ARSG: variants seen among roughly 807,000 people sequenced by gnomAD.
ARSG encodes arylsulfatase G.
A neutral mutation model predicts 50.5 loss-of-function variants in ARSG; 37 were observed. That is an observed-to-expected ratio of 0.73 (90% CI 0.56 to 0.96). The LOEUF (loss-of-function observed/expected upper bound fraction) is 0.96, where lower values mean the gene tolerates loss of function less well. Among genes scored for constraint, ARSG ranks in the 50% least tolerant of loss-of-function variants. The pLI, the probability that ARSG is intolerant of heterozygous loss-of-function variation, is 0.00. For missense variants in ARSG, 629 were observed against 675.3 expected (o/e 0.93, Z 0.76); for synonymous variants, 225 against 254.6 (o/e 0.88, Z 1.11).
At chr17:68,287,925 CTCTTCTCT>C (rs1167970949), upstream of ARSG, among the ~76,000 whole-genome samples, 2 of 150,968 alleles carry the variant, frequency 1.3e-5, no homozygotes, top group African/African-American at 2.4e-5. Flanking sequence ...TTTTTCTTTT[CTCTTCTCT>C]TCTTCTCTTC....
intron 7 of ARSG, among the ~76,000 whole-genome samples, chr17:68,369,464 T>A (rs1193617670): frequency 6.6e-6 from 1 of 151,474 alleles, no homozygotes; most frequent in African/African-American, 2.4e-5. Context: ...CGCTTAAACC[T>A]GGGAGGCGGA....
intron 7 of ARSG, 76 bp from the exon 8 acceptor site, chr17:68,370,368 T>C: frequency 6.0e-6 from 8 of 1,332,712 alleles, no homozygotes; most frequent in Non-Finnish European, 7.5e-6. Context: ...GCGCAAGGGA[T>C]ATAGGGCCAG....
At chr17:68,410,860 A>G (rs896764209) in intron 11 of ARSG, among the ~76,000 whole-genome samples, 1 of 152,116 alleles carries the variant, frequency 6.6e-6, no homozygotes, top group Non-Finnish European at 1.5e-5. Context: ...GGGAGAGTGT[A>G]TGTGTCGAGG....
At chr17:68,450,926 A>G in the ARSG span, 2 of 1,599,970 alleles carry the variant, frequency 1.3e-6, no homozygotes, top group East Asian at 2.2e-5. Context: ...GGGAGGTTAC[A>G]TGGATTGATC....
In ARSG at chr17:68,370,519, G is replaced by A. The variant is rs372096059; in HGVS notation, c.977G>A (p.Arg326His). ...CCCTTCACTGGATTTTGGCAAACTC[G>A]TCAAGGTAAGGGGCTCAGCTGGGGT... ...VGPFTGFWQT[R>H]QGGSPAKQTT... is the part of the protein sequence containing the mutation. Residue 326 changes from arginine (R) to histidine (H), a missense_variant, in exon 8 of 12, where the codon CGT becomes CAT. Coordinates refer to ENST00000621439, the MANE Select transcript of ARSG (RefSeq NM_001267727.2). 19 of 1,613,710 alleles carry A rather than the reference G, an allele frequency of 1.2e-5. No homozygotes were observed. The highest frequency in any genetic ancestry group is 1.6e-4 in the Middle Eastern group (1 of 6,064).
At chr17:68,427,102 A>C, downstream of ARSG, 2 of 1,559,554 alleles carry the variant, frequency 1.3e-6, no homozygotes, top group African/African-American at 1.4e-5. Context: ...TCACTGTTGG[A>C]GATGCTCCCC....
intron 5 of ARSG, among the ~76,000 whole-genome samples, chr17:68,352,446 T>C (rs1200657360): frequency 6.6e-6 from 1 of 151,806 alleles, no homozygotes; most frequent in African/African-American, 2.4e-5. Context: ...AAAGGAGATA[T>C]GCCATAATGT....
chr17:68,408,810 T>C (rs2081866927), intron 11 of ARSG, among the ~76,000 whole-genome samples: 1 of 151,748 alleles, frequency 6.6e-6, no homozygotes, highest in South Asian at 2.1e-4. Flanking sequence ...TTTTAATGAT[T>C]GCCATTCTAA....
chr17:68,276,622 AT>A (rs1301624702), intron 1 of ARSG, among the ~76,000 whole-genome samples: 3 of 151,544 alleles, frequency 2.0e-5, no homozygotes, highest in Non-Finnish European at 2.9e-5. Flanking sequence ...CCAATTTTTT[AT>A]TTTAATTTTT....
intron 9 of ARSG, among the ~76,000 whole-genome samples, chr17:68,387,142 G>A (rs925995589): frequency 1.3e-5 from 2 of 148,972 alleles, no homozygotes; most frequent in Admixed American, 1.3e-4. Flanking sequence ...TATTTATTTT[G>A]TTAAGAGACA....
chr17:68,290,852 C>T (rs961234667), upstream of ARSG, among the ~76,000 whole-genome samples: 6 of 152,186 alleles, frequency 3.9e-5, no homozygotes, highest in Non-Finnish European at 8.8e-5. Context: ...ACCAGGGTCA[C>T]GGACATTCAA....
chr17:68,398,368 T>C (rs2081339917), intron 10 of ARSG, among the ~76,000 whole-genome samples: 1 of 152,248 alleles, frequency 6.6e-6, no homozygotes, highest in Non-Finnish European at 1.5e-5. Context: ...CACATATTTA[T>C]ATGCAGGTGT....
chr17:68,434,640 C>G, the ARSG span: 77 of 1,613,506 alleles, frequency 4.8e-5, no homozygotes, highest in African/African-American at 7.2e-4. Context: ...GAAAAGAAAG[C>G]AGGTGGACAT....
chr17:68,323,361 C>A (rs2077370917), intron 2 of ARSG, among the ~76,000 whole-genome samples: 1 of 151,308 alleles, frequency 6.6e-6, no homozygotes, highest in African/African-American at 2.4e-5. Flanking sequence ...GACTTTACCC[C>A]AAAGCCATAG....
intron 1 of ARSG, among the ~76,000 whole-genome samples, chr17:68,265,170 A>G (rs2075133409): frequency 6.6e-6 from 1 of 150,576 alleles, no homozygotes. Flanking sequence ...AAAAAAAAAA[A>G]AAGAAAAAAG....
intron 2 of ARSG, among the ~76,000 whole-genome samples, chr17:68,327,630 A>G (rs2077559592): frequency 6.6e-6 from 1 of 152,156 alleles, no homozygotes. Flanking sequence ...CTTCGGTATA[A>G]TCTCATCTTA....
chr17:68,347,455 A>G lies in ARSG; in HGVS notation c.454+283A>G, dbSNP rs1356420381. 1.3e-5 allele frequency among the ~76,000 whole-genome samples: 2 copies of G among 152,114 alleles called. 1 individual carries two copies. Among genetic ancestry groups the G allele is most frequent in the Non-Finnish European group, 2.9e-5 (2 of 67,996 alleles). On this transcript the variant is annotated intron_variant, in intron 4 of 11. Transcript: ENST00000621439. ...TTTTTGCCATCTCTCGGTTCTTTAC[A>G]CCTCAGGGAACATTCTGCCCCATGA...
chr17:68,338,112 C>T (rs577829842), intron 2 of ARSG, among the ~76,000 whole-genome samples: 12 of 152,200 alleles, frequency 7.9e-5, no homozygotes, highest in African/African-American at 2.9e-4. Flanking sequence ...AGTGTTGTGT[C>T]ATCTGATTTC....
In ARSG at chr17:68,323,124, G is replaced by A. The variant is rs1203238469; in HGVS notation, c.218+15413G>A. Among the ~76,000 whole-genome samples, 4 of 151,540 alleles carry A rather than the reference G, an allele frequency of 2.6e-5. No individual in the cohort carries two copies. In the East Asian group the frequency reaches 7.8e-4, roughly 29 times the overall value. ...AGGAGAACTGGTTATTTTTTTTTTG[G>A]AGTGAACAGATTTCGAATTAACATC... On this transcript the variant is annotated intron_variant, in intron 2 of 11. Coordinates refer to ENST00000621439, the MANE Select transcript of ARSG (RefSeq NM_001267727.2).
Sources: allele counts gnomAD v4.1 joint callset (sites outside exome capture counted in the v4.1 genomes callset), GRCh38; gene constraint gnomAD v4.1.1; transcripts MANE v1.5; gene names NCBI Gene and HGNC (gene_info 2026-07-23, HGNC 2026-07-21).